Variants in TMEM123 observed in about 807,000 individuals in gnomAD.
TMEM123 encodes the protein porimin.
TMEM123 carries 16 observed loss-of-function variants against 19.7 expected under a neutral mutation model. The observed-to-expected ratio is 0.81, with a 90% confidence interval of 0.55 to 1.23. The LOEUF (loss-of-function observed/expected upper bound fraction) is 1.23. TMEM123 is among the 50% of genes most tolerant of loss of function. The probability of loss-of-function intolerance (pLI) is 0.00; values close to 1 mark genes in which losing one functional copy is unlikely to be tolerated. For synonymous variants in TMEM123, 118 were observed against 99.4 expected, an observed-to-expected ratio of 1.19 and a Z score of -1.12; for missense variants, 313 against 257.8, an observed-to-expected ratio of 1.21 and a Z score of -1.47.
chr11:102,443,636 G>A (rs1857850034), intron 2 of TMEM123, among the ~76,000 whole-genome samples: 1 of 152,148 alleles, frequency 6.6e-6, no homozygotes, highest in African/African-American at 2.4e-5. Context: ...ACAGGCATGG[G>A]CGAGGACTTC....
chr11:102,414,293 T>A (rs1323410494), intron 2 of TMEM123, among the ~76,000 whole-genome samples: 1 of 152,212 alleles, frequency 6.6e-6, no homozygotes, highest in Non-Finnish European at 1.5e-5. Flanking sequence ...ATACTGTCCA[T>A]GAAAATTTCC....
chr11:102,443,316 C>T (rs1857846673), intron 2 of TMEM123, among the ~76,000 whole-genome samples: 1 of 152,128 alleles, frequency 6.6e-6, no homozygotes, highest in Non-Finnish European at 1.5e-5. Context: ...GCTACAGTAA[C>T]CAAAACAGCA....
intron 2 of TMEM123, among the ~76,000 whole-genome samples, chr11:102,421,589 G>A (rs1952087646): frequency 6.6e-6 from 1 of 151,972 alleles, no homozygotes; most frequent in Non-Finnish European, 1.5e-5. Context: ...GTACAGTTTA[G>A]TATACTAGTA....
chr11:102,409,820 AC>A (rs2135846600), intron 2 of TMEM123, among the ~76,000 whole-genome samples: 1 of 151,998 alleles, frequency 6.6e-6, no homozygotes, highest in East Asian at 1.9e-4. Context: ...AGCCGAGATC[AC>A]GCTACTGCTC....
At chr11:102,439,045 C>A (rs1442838486) in intron 2 of TMEM123, among the ~76,000 whole-genome samples, 1 of 152,164 alleles carries the variant, frequency 6.6e-6, no homozygotes, top group East Asian at 1.9e-4. Flanking sequence ...GGGGGAGGGG[C>A]GTCCGCCAGT....
rs113339766 is a variant in TMEM123, at chr11:102,433,819, T to C, written c.157+14993A>G. Among the ~76,000 whole-genome samples, 865 of 151,902 alleles carry C rather than the reference T, an allele frequency of 5.7e-3. 15 individuals are homozygous for C. Among genetic ancestry groups the C allele is most frequent in the African/African-American group, 0.02 (818 of 41,504 alleles). On this transcript the variant is annotated intron_variant, in intron 2 of 4. Coordinates refer to ENST00000398136, the MANE Select transcript of TMEM123 (RefSeq NM_052932.3). ...CGTGACAGTTTTTCATGAGATCTGA[T>C]GGTTTTATAAGTGTCTGGCATTTCC...
In TMEM123 at chr11:102,448,989, G is replaced by A. The variant is rs540262870; in HGVS notation, c.101-121C>T. ...TGTCAGGAGGGTAGATTATTCCACA[G>A]GAAGTTCTACTTTGGCCCCTGTTGT... On this transcript the variant is annotated intron_variant, in intron 1 of 4. Coordinates refer to ENST00000398136, the MANE Select transcript of TMEM123 (RefSeq NM_052932.3). The A allele has an allele frequency of 1.0e-5, 10 of 967,406 alleles. No homozygotes were observed. In the African/African-American group the frequency reaches 1.6e-4, roughly 16 times the overall value. 59.9% of individuals were successfully genotyped at this position (967,406 alleles called of 1,614,324 possible). A position where few individuals can be genotyped will look rare whatever the true frequency, so the allele number is the denominator to read the frequency against.
intron 2 of TMEM123, among the ~76,000 whole-genome samples, chr11:102,438,089 T>C (rs1047269537): frequency 1.3e-5 from 2 of 152,218 alleles, no homozygotes; most frequent in Non-Finnish European, 2.9e-5. Flanking sequence ...AGTCTTGCTC[T>C]GTCACCCAGG....
intron 2 of TMEM123, among the ~76,000 whole-genome samples, chr11:102,430,243 T>C (rs1274018643): frequency 6.6e-6 from 1 of 152,204 alleles, no homozygotes; most frequent in African/African-American, 2.4e-5. Flanking sequence ...AAGGCTGGTA[T>C]AGCAAGCAAA....
Position 102,448,820 on chromosome 11 carries a change from T to C in TMEM123, c.149A>G (p.Asn50Ser). 1 of 1,613,682 alleles carries C rather than the reference T, an allele frequency of 6.2e-7. No individual in the cohort carries two copies. Among genetic ancestry groups the C allele is most frequent in the Non-Finnish European group, 8.5e-7 (1 of 1,179,768 alleles). ...AATCTTTTAAAACTCACCTGTTGAG[T>C]TAGCACTGGAGTTGTGTGGAAGCCC... ...NSGLPHNSSA[N>S]STETLQHVPS... The change falls in exon 2 of 5, where the codon AAC becomes AGC. Residue 50 changes from asparagine to serine, a missense_variant. By Grantham distance (46) the Asn-to-Ser change is conservative. Coordinates refer to ENST00000398136, the MANE Select transcript of TMEM123 (RefSeq NM_052932.3).
chr11:102,440,344 G>T (rs765356469), intron 2 of TMEM123, among the ~76,000 whole-genome samples: 3 of 152,082 alleles, frequency 2.0e-5, no homozygotes, highest in African/African-American at 7.3e-5. Context: ...GACTAACAGC[G>T]GATGTCTCGG....
chr11:102,415,611 A>C (rs955821784), intron 2 of TMEM123, among the ~76,000 whole-genome samples: 8 of 152,224 alleles, frequency 5.3e-5, no homozygotes, highest in African/African-American at 7.2e-5. Context: ...GAAATAAAAA[A>C]ATTCTTTGAA....
At chr11:102,450,960 A>G (rs749406432) in intron 1 of TMEM123, among the ~76,000 whole-genome samples, 1 of 152,220 alleles carries the variant, frequency 6.6e-6, no homozygotes, top group African/African-American at 2.4e-5. Flanking sequence ...GAAATCTTCT[A>G]TTGTATACCT....
chr11:102,445,962 T>C (rs924471778), intron 2 of TMEM123, among the ~76,000 whole-genome samples: 1 of 152,156 alleles, frequency 6.6e-6, no homozygotes, highest in African/African-American at 2.4e-5. Flanking sequence ...TAAACGGCTT[T>C]GGAAAGGAGT....
chr11:102,437,613 G>A (rs1398063800), intron 2 of TMEM123, among the ~76,000 whole-genome samples: 4 of 152,114 alleles, frequency 2.6e-5, no homozygotes, highest in Non-Finnish European at 5.9e-5. Context: ...GCATACTTCA[G>A]GAAAGAAAGC....
At chr11:102,440,323 G>A (rs1380807411) in intron 2 of TMEM123, among the ~76,000 whole-genome samples, 3 of 152,174 alleles carry the variant, frequency 2.0e-5, no homozygotes, top group African/African-American at 4.8e-5. Context: ...TCCACAAAGC[G>A]AAGCCCATCA....
intron 2 of TMEM123, among the ~76,000 whole-genome samples, chr11:102,442,900 T>C (rs532097888): frequency 7.0e-4 from 107 of 152,164 alleles, no homozygotes; most frequent in African/African-American, 2.4e-3. Context: ...TATACACCAA[T>C]AAAAGACAAA....
intron 2 of TMEM123, among the ~76,000 whole-genome samples, chr11:102,431,949 G>A (rs112857414): frequency 7.9e-5 from 12 of 152,144 alleles, no homozygotes; most frequent in African/African-American, 1.9e-4. Flanking sequence ...GTGAAGAGGC[G>A]CCTTCTGCCA....
rs1444620512 is a variant in TMEM123 at position 102,396,511 on chromosome 11, A to T, written c.*2356T>A. 6.6e-6 allele frequency: 1 copy of T among 152,306 alleles called. No individual in the cohort carries two copies. The highest frequency in any genetic ancestry group is 2.1e-4 in the South Asian group (1 of 4,834). 9.4% of individuals were successfully genotyped at this position (152,306 alleles called of 1,614,324 possible). The stretch of plus-strand genomic sequence containing the variant: ...TGTATTTGAATTATTCCTTTCATGG[A>T]TTATTCAAGGAAATTTTAAAATTGG... On this transcript the variant is annotated 3_prime_UTR_variant, in exon 5 of 5. Coordinates refer to ENST00000398136, the MANE Select transcript of TMEM123 (RefSeq NM_052932.3).
Sources: gnomAD v4.1 joint callset for allele counts (sites outside exome capture counted in the v4.1 genomes callset) on GRCh38, gnomAD v4.1.1 for gene constraint, MANE v1.5 for transcripts, NCBI Gene and HGNC (gene_info 2026-07-23, HGNC 2026-07-21) for gene names.